The following XKR6 variants were observed in gnomAD, a reference collection of about 807,000 sequenced individuals.
The protein encoded by XKR6 is XK-related protein 6.
In XKR6, 22 loss-of-function variants were observed where a neutral mutation model predicts 56.7. The ratio of observed to expected loss-of-function variants is 0.39; its 90% confidence interval spans 0.28 to 0.55. The LOEUF (loss-of-function observed/expected upper bound fraction) is 0.55. XKR6 is among the 20% of genes least tolerant of loss of function. The pLI is 0.66. For missense variants in XKR6, 852 were observed against 889.0 expected (o/e 0.96, Z 0.53); for synonymous variants, 524 against 387.8 (o/e 1.35, Z -4.13).
At chr8:11,190,204 AAAAGAAAG>A (rs34031400) in intron 1 of XKR6, among the ~76,000 whole-genome samples, 6 of 120,924 alleles carry the variant, frequency 5.0e-5, no homozygotes, top group Admixed American at 8.1e-5. Flanking sequence ...AGAAAGAAAG[AAAAGAAAG>A]AAAGAAAGAA....
intron 1 of XKR6, among the ~76,000 whole-genome samples, chr8:11,039,330 GCTA>G (rs771126822): frequency 1.3e-5 from 2 of 152,226 alleles, no homozygotes; most frequent in Non-Finnish European, 2.9e-5. Context: ...CCCTGGGAAA[GCTA>G]CAAAGAGTGG....
At chr8:11,121,059 T>C (rs1799428540) in intron 1 of XKR6, among the ~76,000 whole-genome samples, 1 of 152,188 alleles carries the variant, frequency 6.6e-6, no homozygotes, top group South Asian at 2.1e-4. Flanking sequence ...AAGCCTTACA[T>C]GTTAGACCTA....
At chr8:11,088,776 T>C (rs750962467) in intron 1 of XKR6, among the ~76,000 whole-genome samples, 1 of 152,244 alleles carries the variant, frequency 6.6e-6, no homozygotes. Context: ...GTGCAAGGCA[T>C]TAAAATAGAA....
chr8:11,064,908 G>T (rs1799937285), intron 1 of XKR6, among the ~76,000 whole-genome samples: 1 of 152,118 alleles, frequency 6.6e-6, no homozygotes. Flanking sequence ...CAGAAGAAGT[G>T]ACAAAAACCT....
chr8:11,043,835 T>A (rs765593971), intron 1 of XKR6, among the ~76,000 whole-genome samples: 4 of 152,174 alleles, frequency 2.6e-5, no homozygotes, highest in Non-Finnish European at 5.9e-5. Context: ...AAAGCAGAGA[T>A]CATAAGACTG....
chr8:10,994,571 G>A (rs1347764839), intron 1 of XKR6, among the ~76,000 whole-genome samples: 1 of 152,234 alleles, frequency 6.6e-6, no homozygotes, highest in Non-Finnish European at 1.5e-5. Context: ...GGGAACCAGA[G>A]TCCATGATCA....
At chr8:10,986,428 A>G (rs1178014616) in intron 1 of XKR6, among the ~76,000 whole-genome samples, 3 of 152,136 alleles carry the variant, frequency 2.0e-5, no homozygotes, top group African/African-American at 7.2e-5. Context: ...GGTTTTTAAA[A>G]TTTGTAACAA....
At chr8:10,949,189 C>A (rs75843613) in intron 1 of XKR6, among the ~76,000 whole-genome samples, 4,195 of 152,320 alleles carry the variant, frequency 0.028, 191 homozygotes, top group African/African-American at 0.094. Context: ...GCAAATCACC[C>A]CCCTACTCCC....
intron 1 of XKR6, among the ~76,000 whole-genome samples, chr8:10,963,545 C>T (rs1392951808): frequency 1.0e-5 from 1 of 99,770 alleles, no homozygotes; most frequent in Non-Finnish European, 2.0e-5. Context: ...GAAGACCCTT[C>T]CTTTTTTTTT....
At chr8:10,962,481 G>A (rs912960460) in intron 1 of XKR6, among the ~76,000 whole-genome samples, 1 of 152,158 alleles carries the variant, frequency 6.6e-6, no homozygotes, top group African/African-American at 2.4e-5. Context: ...TCCGCCAGAA[G>A]GCTCAAATGT....
chr8:10,916,526 G>C (rs1315677094), intron 2 of XKR6, among the ~76,000 whole-genome samples: 1 of 152,214 alleles, frequency 6.6e-6, no homozygotes, highest in Admixed American at 6.5e-5. Flanking sequence ...TCACTGGGGA[G>C]AGGAAAGAGA....
At chr8:11,064,852 C>T (rs1799935999) in intron 1 of XKR6, among the ~76,000 whole-genome samples, 2 of 152,092 alleles carry the variant, frequency 1.3e-5, no homozygotes, top group Non-Finnish European at 2.9e-5. Context: ...AAAATGGAAC[C>T]CTGAGCTAAG....
intron 2 of XKR6, among the ~76,000 whole-genome samples, chr8:10,909,598 G>C (rs1454207202): frequency 6.6e-6 from 1 of 152,122 alleles, no homozygotes; most frequent in African/African-American, 2.4e-5. Flanking sequence ...GCTATTCTTG[G>C]ATTCTTAAGT....
At chr8:11,188,754 A>C (rs1293743476) in intron 1 of XKR6, among the ~76,000 whole-genome samples, 1 of 152,174 alleles carries the variant, frequency 6.6e-6, no homozygotes, top group African/African-American at 2.4e-5. Context: ...CGGAATCACC[A>C]ACGAGCAGAG....
At chr8:11,024,998 A>T (rs139536957) in intron 1 of XKR6, among the ~76,000 whole-genome samples, 1 of 152,224 alleles carries the variant, frequency 6.6e-6, no homozygotes, top group Non-Finnish European at 1.5e-5. Context: ...CAGTAACCAA[A>T]GTCCACAGGA....
At chr8:11,139,697 G>A (rs1800587020) in intron 1 of XKR6, among the ~76,000 whole-genome samples, 1 of 152,160 alleles carries the variant, frequency 6.6e-6, no homozygotes, top group African/African-American at 2.4e-5. Flanking sequence ...CTGGGAGAGG[G>A]GAAGCAGGAA....
At chr8:10,963,229 G>A (rs1442928817) in intron 1 of XKR6, among the ~76,000 whole-genome samples, 1 of 152,224 alleles carries the variant, frequency 6.6e-6, no homozygotes, top group Non-Finnish European at 1.5e-5. Context: ...CACACCGGCA[G>A]CTGTCGGCTC....
chr8:11,145,368 T>G (rs1041465552), intron 1 of XKR6, among the ~76,000 whole-genome samples: 25 of 152,266 alleles, frequency 1.6e-4, no homozygotes, highest in African/African-American at 6.0e-4. Context: ...ATAATAATTT[T>G]CTTTGCTGAA....
intron 1 of XKR6, chr8:11,108,015 C>G: frequency 3.1e-6 from 1 of 319,750 alleles, no homozygotes; most frequent in Non-Finnish European, 6.0e-6. Context: ...CTTCATTTTT[C>G]CACGATGCGC....
Sources: gnomAD v4.1 joint callset for allele counts (sites outside exome capture counted in the v4.1 genomes callset) on GRCh38, gnomAD v4.1.1 for gene constraint, MANE v1.5 for transcripts, NCBI Gene and HGNC (gene_info 2026-07-23, HGNC 2026-07-21) for gene names.